Variants in BARD1 observed in about 807,000 individuals in gnomAD.
The protein encoded by BARD1 is BRCA1-associated RING domain protein 1.
Under a neutral mutation model 77.0 loss-of-function variants are expected in BARD1, and 73 were observed. The ratio of observed to expected loss-of-function variants is 0.95; its 90% CI spans 0.79 to 1.15. The LOEUF (loss-of-function observed/expected upper bound fraction) is 1.15. Ranked by LOEUF, BARD1 falls within the 50% of genes most tolerant of loss-of-function variation. The probability of loss-of-function intolerance (pLI) is 0.00; values close to 1 mark genes in which losing one functional copy is unlikely to be tolerated. For synonymous variants in BARD1, 384 were observed against 338.0 expected, an observed-to-expected ratio of 1.14 and a Z score of -1.49; for missense variants, 993 against 938.8, an observed-to-expected ratio of 1.06 and a Z score of -0.75.
chr2:214,728,615 C>G lies in BARD1; in HGVS notation c.*61G>C. On this transcript the variant is annotated 3_prime_UTR_variant, in exon 11 of 11. Coordinates refer to ENST00000260947, the MANE Select transcript of BARD1 (RefSeq NM_000465.4). ...AAAAATGTGAACATTAAAAACAGTA[C>G]AATGACTGGGCTCTCACAAACCGTG... 1.3e-6 allele frequency: 2 copies of G among 1,506,352 alleles called. No homozygotes were observed. Among genetic ancestry groups the G allele is most frequent in the Non-Finnish European group, 1.8e-6 (2 of 1,094,020 alleles). The allele number at this position is 1,506,352 out of a possible 1,614,324, so 93.3% of individuals were successfully genotyped here. A position where few individuals can be genotyped will look rare whatever the true frequency, so the allele number is the denominator to read the frequency against.
chr2:214,744,137 T>C (rs553858218), intron 9 of BARD1, among the ~76,000 whole-genome samples: 2 of 152,226 alleles, frequency 1.3e-5, no homozygotes, highest in African/African-American at 4.8e-5. Flanking sequence ...TCATTTTAAG[T>C]CCCAAGAGAA....
chr2:214,772,530 C>A (rs1295132485), intron 4 of BARD1, among the ~76,000 whole-genome samples: 1 of 152,058 alleles, frequency 6.6e-6, no homozygotes, highest in African/African-American at 2.4e-5. Flanking sequence ...AATAGTCAAA[C>A]AGAAACGGAG....
Position 214,745,064 on chromosome 2 carries a change from T to TA in BARD1, c.1903+2dup, listed in dbSNP as rs1693033415. 1 of 1,612,210 alleles carries TA rather than the reference T, an allele frequency of 6.2e-7. No homozygotes were observed. Among genetic ancestry groups the TA allele is most frequent in the Non-Finnish European group, 8.5e-7 (1 of 1,178,336 alleles). Reference sequence around the variant, plus strand: ...TCTTAATTCTCTCAAATCCAACACTTACATTCAAATTTTAGAATCCAGCAT... The same window carrying TA: ...TCTTAATTCTCTCAAATCCAACACTTAACATTCAAATTTTAGAATCCAGCAT... On this transcript the variant is annotated splice_region_variant and intron_variant, in intron 9 of 10. Transcript: ENST00000260947.
Position 214,769,311 on chromosome 2 carries a change from C to T in BARD1, c.1316G>A (p.Gly439Asp), listed in dbSNP as rs1694366890. The change falls in exon 5 of 11, where the codon GGC (glycine) becomes GAC (aspartate). Residue 439 changes from glycine (G) to aspartate (D), a missense_variant and splice_region_variant. Gly to Asp is a moderately conservative substitution (Grantham distance 94). Transcript: ENST00000260947. ...ETLLHIASIK[G>D]DIPSVEYLLQ... Reference sequence around the variant, plus strand: ...AAGGTATTCAACAGAAGGTATGTCGCCCTAGAAAAATGAACAAAACGGAAA... The same window carrying T: ...AAGGTATTCAACAGAAGGTATGTCGTCCTAGAAAAATGAACAAAACGGAAA... 2.5e-6 allele frequency: 4 copies of T among 1,612,094 alleles called. No homozygotes were observed. In the South Asian group the frequency reaches 3.3e-5, roughly 13 times the overall value.
At position 214,730,507 on chromosome 2, in the gene BARD1, C is replaced by T. The variant is rs773223671; in HGVS notation, c.1905G>A (p.Trp635Ter). ...CTTTTCTTCGTAGACATGCTTTTACCCCTGACAAAAACACAAGAATTAAAG... is the reference window on the plus strand; with the variant it reads ...CTTTTCTTCGTAGACATGCTTTTACTCCTGACAAAAACACAAGAATTAAAG... ...LNGCWILKFE[W>*]VKACLRRKVC... Residue 635 changes from tryptophan (W) to a stop codon, truncating the protein, a stop_gained and splice_region_variant, in exon 10 of 11, where the codon TGG becomes TGA. Transcript: ENST00000260947. LOFTEE classifies it high-confidence loss of function. The T allele has an allele frequency of 8.7e-6, 14 of 1,613,158 alleles. No individual in the cohort carries two copies. The highest frequency in any genetic ancestry group is 1.2e-5 in the Non-Finnish European group (14 of 1,179,356).
intron 7 of BARD1, among the ~76,000 whole-genome samples, chr2:214,751,025 ACT>A (rs889718474): frequency 1.4e-5 from 2 of 146,602 alleles, no homozygotes; most frequent in African/African-American, 5.1e-5. Context: ...TCTATTAGAC[ACT>A]CTGCTAAAAT....
At chr2:214,751,014 T>C (rs750101322) in intron 7 of BARD1, among the ~76,000 whole-genome samples, 4 of 150,146 alleles carry the variant, frequency 2.7e-5, no homozygotes, top group Non-Finnish European at 5.9e-5. Flanking sequence ...GCCAACAGCA[T>C]TCTATTAGAC....
chr2:214,787,621 T>C (rs1235022045), intron 3 of BARD1, among the ~76,000 whole-genome samples: 7 of 151,998 alleles, frequency 4.6e-5, no homozygotes, highest in East Asian at 1.9e-4. Flanking sequence ...GTCCTTCCTC[T>C]GCACAGAAAA....
At chr2:214,804,667 T>C (rs1454301339) in intron 1 of BARD1, among the ~76,000 whole-genome samples, 17 of 152,192 alleles carry the variant, frequency 1.1e-4, no homozygotes, top group Admixed American at 1.0e-3. Flanking sequence ...AGGAAAGCTA[T>C]ACAAATTGCT....
chr2:214,808,785 A>G (rs2106168707), intron 1 of BARD1, among the ~76,000 whole-genome samples: 1 of 152,372 alleles, frequency 6.6e-6, no homozygotes, highest in African/African-American at 2.4e-5. Context: ...AAGGAAAACA[A>G]TAAACAGCAT....
chr2:214,802,332 C>T (rs1696061701), intron 1 of BARD1, among the ~76,000 whole-genome samples: 2 of 152,000 alleles, frequency 1.3e-5, no homozygotes, highest in Non-Finnish European at 2.9e-5. Flanking sequence ...ATGATTTAAC[C>T]CAACTGGGCT....
intron 5 of BARD1, among the ~76,000 whole-genome samples, chr2:214,768,055 T>A (rs1227846639): frequency 6.6e-6 from 1 of 152,202 alleles, no homozygotes; most frequent in Non-Finnish European, 1.5e-5. Context: ...TGCAACAAAG[T>A]AAGTATCCGT....
intron 1 of BARD1, among the ~76,000 whole-genome samples, chr2:214,797,471 T>C (rs999316449): frequency 5.9e-5 from 9 of 152,220 alleles, no homozygotes; most frequent in Non-Finnish European, 1.2e-4. Flanking sequence ...CTTCCCCTTA[T>C]GATTCAAAGT....
intron 6 of BARD1, among the ~76,000 whole-genome samples, chr2:214,757,511 T>C (rs995184701): frequency 2.6e-5 from 4 of 152,144 alleles, no homozygotes; most frequent in South Asian, 2.1e-4. Context: ...ATAGAACCTA[T>C]GTGAAAATGG....
intron 3 of BARD1, among the ~76,000 whole-genome samples, chr2:214,782,648 T>G (rs992225893): frequency 3.3e-5 from 5 of 152,110 alleles, no homozygotes; most frequent in Admixed American, 3.3e-4. Flanking sequence ...TTGTGAGAGA[T>G]ACTCTTCTTT....
chr2:214,734,819 G>A (rs1179428141), intron 9 of BARD1, among the ~76,000 whole-genome samples: 1 of 152,114 alleles, frequency 6.6e-6, no homozygotes. Context: ...AAAAGATCCT[G>A]ATCAAAATTA....
chr2:214,745,614 C>T (rs918826674), intron 8 of BARD1, 108 bp downstream of exon 8: 1 of 1,363,880 alleles, frequency 7.3e-7, no homozygotes, highest in South Asian at 1.2e-5. Context: ...AAGTATACAG[C>T]CATCTCCCAA....
chr2:214,751,855 T>C (rs1693469609), intron 7 of BARD1, among the ~76,000 whole-genome samples: 2 of 152,238 alleles, frequency 1.3e-5, no homozygotes, highest in Non-Finnish European at 2.9e-5. Context: ...CCCGTTTTGA[T>C]GCTCGCTAGT....
At chr2:214,782,662 C>A (rs1900243) in intron 3 of BARD1, among the ~76,000 whole-genome samples, 149,214 of 152,188 alleles carry the variant, frequency 0.98, 73,206 homozygotes, top group East Asian at 1. Flanking sequence ...CTTCTTTACA[C>A]TCACCTGCTA....
Sources: allele counts gnomAD v4.1 joint callset (sites outside exome capture counted in the v4.1 genomes callset), GRCh38; gene constraint gnomAD v4.1.1; transcripts MANE v1.5; gene names NCBI Gene and HGNC (gene_info 2026-07-23, HGNC 2026-07-21).